PRR16: variants seen among roughly 807,000 people sequenced by gnomAD.
PRR16 encodes protein Largen.
Under a neutral mutation model 18.2 loss-of-function variants are expected in PRR16, and 6 were observed. The ratio of observed to expected loss-of-function variants is 0.33; its 90% CI spans 0.18 to 0.65. The LOEUF is 0.65. PRR16 is among the 30% of genes least tolerant of loss of function. PRR16 has a pLI of 0.74. For missense variants in PRR16, 412 were observed against 376.6 expected, an observed-to-expected ratio of 1.09 and a Z score of -0.78; for synonymous variants, 151 against 147.8, an observed-to-expected ratio of 1.02 and a Z score of -0.16.
the PRR16 span, among the ~76,000 whole-genome samples, chr5:120,763,745 A>C: frequency 1.3e-5 from 2 of 151,654 alleles, no homozygotes; most frequent in Non-Finnish European, 2.9e-5. Flanking sequence ...GTTTTTTGTA[A>C]GTTTACTTGT....
At chr5:120,704,920 G>A in the PRR16 span, among the ~76,000 whole-genome samples, 16 of 152,156 alleles carry the variant, frequency 1.1e-4, no homozygotes, top group South Asian at 8.3e-4. Flanking sequence ...AAAAGTTTAC[G>A]TGGAGCATTA....
At chr5:120,754,255 TA>T in the PRR16 span, among the ~76,000 whole-genome samples, 4 of 20,790 alleles carry the variant, frequency 1.9e-4, no homozygotes, top group East Asian at 3.7e-3. Flanking sequence ...TATTATAATA[TA>T]AAAATATAAA....
intron 1 of PRR16, among the ~76,000 whole-genome samples, chr5:120,670,250 T>G (rs548354440): frequency 6.6e-6 from 1 of 152,242 alleles, no homozygotes; most frequent in South Asian, 2.1e-4. Flanking sequence ...CCCAACACAG[T>G]TTTGTTAAAA....
At chr5:120,480,995 C>T (rs1465704308) in intron 1 of PRR16, among the ~76,000 whole-genome samples, 1 of 152,038 alleles carries the variant, frequency 6.6e-6, no homozygotes, top group Non-Finnish European at 1.5e-5. Flanking sequence ...AGAAGTTTTC[C>T]TTTAAACCAC....
At chr5:120,688,198 A>G (rs966059132), downstream of PRR16, among the ~76,000 whole-genome samples, 2 of 152,298 alleles carry the variant, frequency 1.3e-5, no homozygotes, top group South Asian at 2.1e-4. Context: ...ACAGCTTCCT[A>G]TTAAAAATGA....
chr5:120,587,061 A>C (rs1753472170), intron 1 of PRR16, among the ~76,000 whole-genome samples: 1 of 152,228 alleles, frequency 6.6e-6, no homozygotes, highest in Admixed American at 6.5e-5. Flanking sequence ...TAGACGATTA[A>C]ACATTTCCTT....
chr5:120,520,168 G>A (rs1193427082), intron 1 of PRR16, among the ~76,000 whole-genome samples: 1 of 152,164 alleles, frequency 6.6e-6, no homozygotes, highest in African/African-American at 2.4e-5. Flanking sequence ...GGCCAAGGCG[G>A]GTGGATCACT....
the PRR16 span, among the ~76,000 whole-genome samples, chr5:120,762,894 G>C: frequency 4.6e-5 from 7 of 152,044 alleles, no homozygotes; most frequent in Non-Finnish European, 8.8e-5. Flanking sequence ...TACTAACATT[G>C]TAACTTGAGA....
chr5:120,474,607 A>C (rs760306933), intron 1 of PRR16, among the ~76,000 whole-genome samples: 22 of 93,964 alleles, frequency 2.3e-4, no homozygotes, highest in Non-Finnish European at 4.4e-4. Context: ...TAAAAAAAAA[A>C]CCCATTATCT....
chr5:120,556,102 T>C (rs1293695336), intron 1 of PRR16, among the ~76,000 whole-genome samples: 3 of 150,452 alleles, frequency 2.0e-5, no homozygotes, highest in Admixed American at 6.7e-5. Context: ...CAACTCTCCT[T>C]TTTTTTTTCC....
At chr5:120,517,990 TTG>T (rs1315635553) in intron 1 of PRR16, among the ~76,000 whole-genome samples, 1 of 152,230 alleles carries the variant, frequency 6.6e-6, no homozygotes, top group Non-Finnish European at 1.5e-5. Context: ...GGAAAAAGTT[TTG>T]TGTCACTATA....
intron 1 of PRR16, among the ~76,000 whole-genome samples, chr5:120,475,764 A>T (rs1480675340): frequency 1.3e-5 from 2 of 152,114 alleles, no homozygotes; most frequent in African/African-American, 4.8e-5. Flanking sequence ...CCAGAAAAAT[A>T]TTTCTTTTAT....
the PRR16 span, among the ~76,000 whole-genome samples, chr5:120,754,939 TAG>T: frequency 6.6e-6 from 1 of 150,784 alleles, no homozygotes; most frequent in Admixed American, 6.7e-5. Context: ...TAGAATATCA[TAG>T]AGTGTACAAA....
rs535675484 is a variant in PRR16 at position 120,622,699 on chromosome 5, G to C, written c.160-63255G>C. On this transcript the variant is annotated intron_variant, in intron 1 of 1. Coordinates refer to ENST00000407149, the MANE Select transcript of PRR16 (RefSeq NM_001300783.2). ...TCACCATGTTGGCTAGGATGGTCTC[G>C]ATCTCCTGACCTTATGATCCACCCG... Among the ~76,000 whole-genome samples, 123 of 151,708 alleles carry C rather than the reference G, an allele frequency of 8.1e-4. 1 individual carries two copies. Among genetic ancestry groups the C allele is most frequent in the Non-Finnish European group, 1.5e-3 (103 of 67,928 alleles).
the PRR16 span, among the ~76,000 whole-genome samples, chr5:120,759,065 C>T: frequency 2.0e-5 from 3 of 150,332 alleles, no homozygotes; most frequent in East Asian, 3.9e-4. Flanking sequence ...CAAGCTCTGC[C>T]TCCCAGGTTC....
rs150160118 is a variant in PRR16 at position 120,584,705 on chromosome 5, TC to T, written c.160-101247del. 6.1e-3 allele frequency among the ~76,000 whole-genome samples: 935 copies of T among 152,322 alleles called. 15 individuals are homozygous for T. The highest frequency in any genetic ancestry group is 0.02 in the African/African-American group (852 of 41,574). ...ACCCATGATCAAACACTTAGTAATT[TC>T]CTCAACCAGGAGTAATACTTCTGAT... On this transcript the variant is annotated intron_variant, in intron 1 of 1. Transcript: ENST00000407149.
chr5:120,668,117 G>T (rs1265795345), intron 1 of PRR16, among the ~76,000 whole-genome samples: 1 of 151,964 alleles, frequency 6.6e-6, no homozygotes, highest in Non-Finnish European at 1.5e-5. Context: ...CTCAGGAGTT[G>T]CTTTATGAAT....
the PRR16 span, among the ~76,000 whole-genome samples, chr5:120,711,735 A>C: frequency 6.6e-6 from 1 of 152,206 alleles, no homozygotes; most frequent in African/African-American, 2.4e-5. Flanking sequence ...CATAAGAGAT[A>C]GTCCATGAGA....
At chr5:120,723,012 A>T in the PRR16 span, among the ~76,000 whole-genome samples, 1 of 151,750 alleles carries the variant, frequency 6.6e-6, no homozygotes, top group East Asian at 1.9e-4. Flanking sequence ...GTTTTAACAA[A>T]TATTAAAATT....
Sources: gnomAD v4.1 joint callset for allele counts (sites outside exome capture counted in the v4.1 genomes callset) on GRCh38, gnomAD v4.1.1 for gene constraint, MANE v1.5 for transcripts, NCBI Gene and HGNC (gene_info 2026-07-23, HGNC 2026-07-21) for gene names.